Variants in FHIP1A observed in about 807,000 individuals in gnomAD.
FHIP1A encodes FHF complex subunit HOOK interacting protein 1A.
A neutral mutation model predicts 88.6 loss-of-function variants in FHIP1A; 61 were observed. The ratio of observed to expected loss-of-function variants is 0.69; its 90% CI spans 0.56 to 0.85. The LOEUF (loss-of-function observed/expected upper bound fraction) is 0.85. Among genes scored for constraint, FHIP1A ranks in the 40% least tolerant of loss-of-function variants. FHIP1A has a pLI of 0.00. For missense variants in FHIP1A, 1,154 were observed against 1,273.5 expected, an observed-to-expected ratio of 0.91 and a Z score of 1.43; for synonymous variants, 478 against 496.0, an observed-to-expected ratio of 0.96 and a Z score of 0.48.
intron 3 of FHIP1A, among the ~76,000 whole-genome samples, chr4:151,549,104 C>T (rs1443456429): frequency 2.6e-5 from 4 of 151,906 alleles, no homozygotes; most frequent in South Asian, 2.1e-4. Context: ...GCCAGAGTGG[C>T]GGGGTGAGTA....
At chr4:151,606,715 T>C (rs1260974454) in intron 7 of FHIP1A, among the ~76,000 whole-genome samples, 5 of 152,232 alleles carry the variant, frequency 3.3e-5, no homozygotes, top group African/African-American at 1.2e-4. Flanking sequence ...TGTTCTATTT[T>C]TGCTAGCTGC....
rs7682884 is a variant in FHIP1A at position 151,506,651 on chromosome 4, A to C, written c.-123+24003A>C. On this transcript the variant is annotated intron_variant, in intron 3 of 13. Transcript: ENST00000435205. ...ACAGTCAGTTCTTGTGGGAACTAAGAGTGAGAAGTTATTCACTCCTAAGAA... is the reference window on the plus strand; with the variant it reads ...ACAGTCAGTTCTTGTGGGAACTAAGCGTGAGAAGTTATTCACTCCTAAGAA... Among the ~76,000 whole-genome samples, 1,397 of 152,226 alleles carry C rather than the reference A, an allele frequency of 9.2e-3. 19 individuals carry two copies. The highest frequency in any genetic ancestry group is 0.031 in the African/African-American group (1,305 of 41,532).
intron 9 of FHIP1A, among the ~76,000 whole-genome samples, chr4:151,641,293 C>T (rs1736578593): frequency 6.6e-6 from 1 of 152,198 alleles, no homozygotes; most frequent in African/African-American, 2.4e-5. Context: ...ATGCAAGAAA[C>T]CACTGGCTCC....
In FHIP1A at chr4:151,666,364, G is replaced by T. The variant is rs1045357373; in HGVS notation, c.*3610G>T. ...TTTGTGGAGTATCATTTTGGAAAAT[G>T]CTTTGATGTGCTCGGGTTGGAGTGG... On this transcript the variant is annotated 3_prime_UTR_variant, in exon 14 of 14. Transcript: ENST00000435205. Among the ~76,000 whole-genome samples, 1 of 152,160 alleles carries T rather than the reference G, an allele frequency of 6.6e-6. No individual in the cohort carries two copies. The highest frequency in any genetic ancestry group is 1.5e-5 in the Non-Finnish European group (1 of 68,032).
chr4:151,461,170 A>G (rs1419444292), intron 2 of FHIP1A, among the ~76,000 whole-genome samples: 1 of 152,204 alleles, frequency 6.6e-6, no homozygotes, highest in East Asian at 1.9e-4. Context: ...CAGCCTCCTC[A>G]TGGGCAAAGC....
intron 3 of FHIP1A, among the ~76,000 whole-genome samples, chr4:151,517,875 G>A (rs1731303615): frequency 6.6e-6 from 1 of 152,082 alleles, no homozygotes; most frequent in African/African-American, 2.4e-5. Context: ...TTGTACAGCT[G>A]TACAATCTGT....
chr4:151,649,545 C>T lies in FHIP1A; in HGVS notation c.1504C>T (p.Gln502Ter), dbSNP rs541223684. The T allele has an allele frequency of 3.9e-6, 6 of 1,551,596 alleles. No homozygotes were observed. The highest frequency in any genetic ancestry group is 5.2e-6 in the Non-Finnish European group (6 of 1,146,992). ...GAAAGCCCTGGACATCAGCTACCTGCAGTACCTGTGGGAGGCCCACACCAA... is the reference window on the plus strand; with the variant it reads ...GAAAGCCCTGGACATCAGCTACCTGTAGTACCTGTGGGAGGCCCACACCAA... ...YGKALDISYL[Q>*]YLWEAHTNIL... The change falls in exon 11 of 14, where the codon CAG (glutamine) becomes TAG (stop). Residue 502 changes from glutamine (Q) to a stop codon, truncating the protein, a stop_gained. Coordinates refer to ENST00000435205, the MANE Select transcript of FHIP1A (RefSeq NM_001109977.3). LOFTEE classifies it high-confidence loss of function.
At chr4:151,561,264 G>A (rs1733160569) in intron 3 of FHIP1A, among the ~76,000 whole-genome samples, 1 of 152,190 alleles carries the variant, frequency 6.6e-6, no homozygotes, top group Admixed American at 6.5e-5. Flanking sequence ...TTACTGAAAT[G>A]ATGGACGTTT....
In FHIP1A at chr4:151,667,871, C is replaced by A. The variant is rs1737721179; in HGVS notation, c.*5117C>A. ...TTCGGGGAGTTTAGATTTACTGTGT[C>A]ATTTCAGAACCCAACAAAGGTGATG... On this transcript the variant is annotated 3_prime_UTR_variant, in exon 14 of 14. Transcript: ENST00000435205. Among the ~76,000 whole-genome samples the A allele has an allele frequency of 1.3e-5, 2 of 152,156 alleles. No individual in the cohort carries two copies. The highest frequency in any genetic ancestry group is 1.3e-4 in the Admixed American group (2 of 15,280).
At chr4:151,594,263 G>A (rs1734560830) in intron 7 of FHIP1A, among the ~76,000 whole-genome samples, 1 of 152,182 alleles carries the variant, frequency 6.6e-6, no homozygotes, top group African/African-American at 2.4e-5. Context: ...CATAAAATGA[G>A]TTAGGGAGGA....
intron 3 of FHIP1A, among the ~76,000 whole-genome samples, chr4:151,537,576 A>G (rs1404257799): frequency 6.6e-6 from 1 of 152,164 alleles, no homozygotes; most frequent in Non-Finnish European, 1.5e-5. Context: ...ATGGGCTTTC[A>G]TAGAGCAAAA....
intron 3 of FHIP1A, among the ~76,000 whole-genome samples, chr4:151,486,627 A>G (rs1730090385): frequency 6.6e-6 from 1 of 152,100 alleles, no homozygotes; most frequent in Non-Finnish European, 1.5e-5. Context: ...TGCAGTTTGG[A>G]TTATTTTTTG....
intron 1 of FHIP1A, among the ~76,000 whole-genome samples, chr4:151,445,027 C>A (rs1006870811): frequency 6.6e-6 from 1 of 152,102 alleles, no homozygotes; most frequent in Non-Finnish European, 1.5e-5. Context: ...TGCCCCCTAC[C>A]TCAGATGCCA....
At chr4:151,548,766 G>A (rs921140586) in intron 3 of FHIP1A, among the ~76,000 whole-genome samples, 10 of 152,132 alleles carry the variant, frequency 6.6e-5, no homozygotes, top group Middle Eastern at 6.8e-3. Context: ...TACTAAAAAC[G>A]CAAAAATTAG....
chr4:151,429,112 A>G (rs1733495167), intron 1 of FHIP1A, among the ~76,000 whole-genome samples: 1 of 150,022 alleles, frequency 6.7e-6, no homozygotes, highest in South Asian at 2.1e-4. Context: ...GGGTCTCACT[A>G]TTATAGGCAT....
At chr4:151,639,871 C>T (rs1203135218) in intron 9 of FHIP1A, among the ~76,000 whole-genome samples, 2 of 152,128 alleles carry the variant, frequency 1.3e-5, no homozygotes, top group Non-Finnish European at 2.9e-5. Flanking sequence ...TTTGACCAGT[C>T]CTGGGGAATA....
Position 151,656,675 on chromosome 4 carries a change from G to T in FHIP1A, c.2731-85G>T. ...CTAACATCATAATAGTTCCCATAAT[G>T]AGGGTGCTACCTGCAAGATATATTG... On this transcript the variant is annotated intron_variant, in intron 12 of 13. Transcript: ENST00000435205. This position sits in a 1 kb window ranked among gnomAD's most constrained non-coding sequence, Gnocchi z 4.2. 3 of 1,389,444 alleles carry T rather than the reference G, an allele frequency of 2.2e-6. No individual in the cohort carries two copies. The highest frequency in any genetic ancestry group is 1.4e-5 in the South Asian group (1 of 71,472). 86.1% of individuals were successfully genotyped at this position (1,389,444 alleles called of 1,614,324 possible).
intron 7 of FHIP1A, among the ~76,000 whole-genome samples, chr4:151,598,579 A>C (rs1425411404): frequency 6.6e-6 from 1 of 152,172 alleles, no homozygotes; most frequent in Non-Finnish European, 1.5e-5. Flanking sequence ...CTCTCAACTT[A>C]TGCATAACAT....
At chr4:151,460,578 G>C (rs1171963197) in intron 2 of FHIP1A, among the ~76,000 whole-genome samples, 1 of 152,174 alleles carries the variant, frequency 6.6e-6, no homozygotes, top group Non-Finnish European at 1.5e-5. Context: ...CTTTCAGATT[G>C]TATCAGCTAT....
Sources: allele counts gnomAD v4.1 joint callset (sites outside exome capture counted in the v4.1 genomes callset), GRCh38; gene constraint gnomAD v4.1.1; non-coding constraint Gnocchi (gnomAD v3.1); transcripts MANE v1.5; gene names NCBI Gene and HGNC (gene_info 2026-07-23, HGNC 2026-07-21).